FARP1: variants seen among roughly 807,000 people sequenced by gnomAD.
The protein encoded by FARP1 is FERM, ARHGEF and pleckstrin domain-containing protein 1.
Under a neutral mutation model 128.8 loss-of-function variants are expected in FARP1, and 52 were observed. That is an observed-to-expected ratio of 0.40 (90% CI 0.32 to 0.51). FARP1 has a LOEUF of 0.51. Among genes scored for constraint, FARP1 ranks in the 20% least tolerant of loss-of-function variants. The pLI, the probability that FARP1 is intolerant of heterozygous loss-of-function variation, is 0.45. For synonymous variants in FARP1, 580 were observed against 551.8 expected, an observed-to-expected ratio of 1.05 and a Z score of -0.72; for missense variants, 1,333 against 1,367.9, an observed-to-expected ratio of 0.97 and a Z score of 0.40.
At chr13:98,231,882 C>T (rs1882133350) in intron 2 of FARP1, among the ~76,000 whole-genome samples, 1 of 152,054 alleles carries the variant, frequency 6.6e-6, no homozygotes, top group Admixed American at 6.5e-5. Flanking sequence ...GGCTTGAGTG[C>T]AATGGCACAA....
chr13:98,410,639 A>G (rs1891154906), intron 14 of FARP1, 95 bp from the exon 15 acceptor site: 1 of 600,910 alleles, frequency 1.7e-6, no homozygotes, highest in Admixed American at 2.8e-5. Context: ...ACAAAAGATC[A>G]CAAGTTAGTA....
At chr13:98,181,276 T>C (rs1878490319) in intron 1 of FARP1, among the ~76,000 whole-genome samples, 2 of 152,314 alleles carry the variant, frequency 1.3e-5, no homozygotes, top group East Asian at 3.9e-4. Context: ...CTTGGCTGTC[T>C]GAGGTTACAT....
intron 2 of FARP1, among the ~76,000 whole-genome samples, chr13:98,222,035 A>G (rs1881441613): frequency 6.6e-6 from 1 of 152,238 alleles, no homozygotes; most frequent in Non-Finnish European, 1.5e-5. Context: ...CAGACACAGA[A>G]TGACTTAGTT....
chr13:98,426,892 A>G (rs1431672420), intron 17 of FARP1, among the ~76,000 whole-genome samples: 3 of 152,196 alleles, frequency 2.0e-5, no homozygotes, highest in Admixed American at 1.3e-4. Context: ...AAGTTAACGT[A>G]TTTTATCTTT....
In FARP1 at chr13:98,449,298, G is replaced by A. The variant is rs1020173702; in HGVS notation, c.*981G>A. 2.0e-5 allele frequency: 3 copies of A among 152,176 alleles called. No individual in the cohort carries two copies. Among genetic ancestry groups the A allele is most frequent in the Non-Finnish European group, 4.4e-5 (3 of 68,056 alleles). 9.4% of individuals were successfully genotyped at this position (152,176 alleles called of 1,614,324 possible). On this transcript the variant is annotated 3_prime_UTR_variant, in exon 27 of 27. Transcript: ENST00000319562. ...GTTTGAAACTGCGCATTCTCTAGTA[G>A]TATATATCGTGCCTGTCTTCAAAAA... is the stretch of plus-strand genomic sequence containing the variant.
At position 98,305,006 on chromosome 13, in the gene FARP1, C is replaced by T. The variant is rs535650984; in HGVS notation, c.172-38756C>T. Among the ~76,000 whole-genome samples the T allele has an allele frequency of 1.6e-4, 24 of 151,738 alleles. No homozygotes were observed. The South Asian group carries it at 5.0e-3, about 32-fold the overall frequency. On this transcript the variant is annotated intron_variant, in intron 2 of 26. Transcript: ENST00000319562. ...TTGAGTAGAGAAGTATTAGGCATGG[C>T]CATAATGCTTTTAGCAAGAGAGAGA...
intron 19 of FARP1, 58 bp from the exon 20 acceptor site, chr13:98,438,746 C>CGTCAG: frequency 7.0e-7 from 1 of 1,422,326 alleles, no homozygotes; most frequent in Non-Finnish European, 9.9e-7. Flanking sequence ...GCACACTGGC[C>CGTCAG]GTCAGCCCTT....
chr13:98,153,338 AAAT>A (rs1231787290), intron 1 of FARP1, among the ~76,000 whole-genome samples: 10 of 47,142 alleles, frequency 2.1e-4, no homozygotes, highest in South Asian at 4.3e-3. Context: ...ATAATATATA[AAAT>A]AATATATATA....
intron 2 of FARP1, among the ~76,000 whole-genome samples, chr13:98,301,100 T>C (rs1472440563): frequency 6.6e-6 from 1 of 152,190 alleles, no homozygotes; most frequent in Non-Finnish European, 1.5e-5. Flanking sequence ...GCCAAGGCAC[T>C]GCTGATCATC....
intron 6 of FARP1, among the ~76,000 whole-genome samples, chr13:98,381,167 T>C (rs1889875193): frequency 6.6e-6 from 1 of 152,196 alleles, no homozygotes; most frequent in African/African-American, 2.4e-5. Flanking sequence ...CTTAAAATCT[T>C]CCGATATGTG....
intron 3 of FARP1, among the ~76,000 whole-genome samples, chr13:98,363,834 T>G (rs1435516179): frequency 2.0e-5 from 3 of 152,120 alleles, no homozygotes; most frequent in African/African-American, 7.2e-5. Context: ...CTCTGTCTCT[T>G]GGGTTCAAGT....
At chr13:98,333,056 T>G (rs1280322475) in intron 2 of FARP1, 1 of 152,228 alleles carries the variant, frequency 6.6e-6, no homozygotes, top group Non-Finnish European at 1.5e-5. Context: ...ATTAGACCAC[T>G]GAGCCCAAGG....
At chr13:98,435,528 C>A (rs1177315790) in intron 18 of FARP1, 48 bp from the exon 19 acceptor site, 1 of 1,567,412 alleles carries the variant, frequency 6.4e-7, no homozygotes, top group Admixed American at 1.8e-5. Context: ...AGGGGAAGAC[C>A]CCTGCCTGCC....
intron 24 of FARP1, among the ~76,000 whole-genome samples, chr13:98,442,865 T>G (rs12860717): frequency 0.069 from 10,542 of 152,308 alleles, 399 homozygotes; most frequent in Middle Eastern, 0.11. Flanking sequence ...CTCAGCAATG[T>G]GTGAATTACG....
In FARP1 at chr13:98,414,786, C is replaced by A. The variant is rs564895917; in HGVS notation, c.1826+2752C>A. ...TTCGGCACTCCTGCAGAGCACTACA[C>A]CACACTCGGCTTTCACGTGTCAAAT... On this transcript the variant is annotated intron_variant, in intron 16 of 26. Transcript: ENST00000319562. Among the ~76,000 whole-genome samples the A allele has an allele frequency of 7.2e-5, 11 of 152,310 alleles. No individual in the cohort carries two copies. In the South Asian group the frequency reaches 2.3e-3, roughly 32 times the overall value.
At chr13:98,392,162 A>G (rs569133428) in intron 11 of FARP1, among the ~76,000 whole-genome samples, 6 of 151,874 alleles carry the variant, frequency 4.0e-5, no homozygotes, top group Non-Finnish European at 8.8e-5. Context: ...TTCTGTATGC[A>G]TATTACTGCA....
chr13:98,311,177 A>G (rs528103498), intron 2 of FARP1, among the ~76,000 whole-genome samples: 3 of 152,318 alleles, frequency 2.0e-5, no homozygotes, highest in African/African-American at 7.2e-5. Flanking sequence ...TAATGTATCT[A>G]TTGTGATATT....
At chr13:98,222,649 G>C (rs1477780340) in intron 2 of FARP1, among the ~76,000 whole-genome samples, 1 of 151,692 alleles carries the variant, frequency 6.6e-6, no homozygotes, top group Non-Finnish European at 1.5e-5. Flanking sequence ...TTGAGACGGA[G>C]TCTTGCTCTG....
intron 13 of FARP1, chr13:98,406,058 C>G (rs938946024): frequency 6.6e-6 from 1 of 152,188 alleles, no homozygotes; most frequent in Non-Finnish European, 1.5e-5. Flanking sequence ...GTTCTAATAA[C>G]TCTGTGACCT....
Sources: allele counts gnomAD v4.1 joint callset (sites outside exome capture counted in the v4.1 genomes callset), GRCh38; gene constraint gnomAD v4.1.1; transcripts MANE v1.5; gene names NCBI Gene and HGNC (gene_info 2026-07-23, HGNC 2026-07-21).